Variants in MICAL3 observed in about 807,000 individuals in gnomAD.
MICAL3 encodes [F-actin]-monooxygenase MICAL3.
In MICAL3, 62 loss-of-function variants were observed where a neutral mutation model predicts 207.4. The observed-to-expected ratio is 0.30, with a 90% CI of 0.24 to 0.37. MICAL3 has a LOEUF of 0.37. MICAL3 is among the 10% of genes least tolerant of loss of function. MICAL3 has a pLI of 1.00. For synonymous variants in MICAL3, 1,077 were observed against 1,069.3 expected, an observed-to-expected ratio of 1.01 and a Z score of -0.14; for missense variants, 2,368 against 2,635.6, an observed-to-expected ratio of 0.90 and a Z score of 2.22.
intron 1 of MICAL3, among the ~76,000 whole-genome samples, chr22:17,972,699 A>G (rs1935473013): frequency 1.3e-5 from 2 of 152,210 alleles, no homozygotes; most frequent in African/African-American, 4.8e-5. Context: ...GAAAAAGGGC[A>G]AGGGCAGAGA....
chr22:17,889,615 C>T (rs1930229349), intron 12 of MICAL3, among the ~76,000 whole-genome samples: 1 of 152,008 alleles, frequency 6.6e-6, no homozygotes, highest in Admixed American at 6.6e-5. Context: ...TTGCTTGAGC[C>T]CAGGAGTTCA....
chr22:17,856,608 CTTTTTTTT>C (rs57588188), intron 19 of MICAL3, among the ~76,000 whole-genome samples: 3 of 94,882 alleles, frequency 3.2e-5, no homozygotes, highest in Non-Finnish European at 5.8e-5. Flanking sequence ...AAAATGTTTA[CTTTTTTTT>C]TTTTTTTTTT....
At chr22:17,875,646 T>C in intron 16 of MICAL3, 2 of 630,628 alleles carry the variant, frequency 3.2e-6, no homozygotes, top group Admixed American at 3.5e-5. Context: ...TTGTAGAGCC[T>C]TTTACTCTAG....
chr22:17,823,808 A>G (rs995209945), intron 22 of MICAL3, among the ~76,000 whole-genome samples: 2 of 152,224 alleles, frequency 1.3e-5, no homozygotes, highest in Admixed American at 1.3e-4. Context: ...CATTTCAGGT[A>G]AGAAACACTC....
chr22:17,961,148 G>A (rs1209350361), intron 1 of MICAL3, among the ~76,000 whole-genome samples: 1 of 152,142 alleles, frequency 6.6e-6, no homozygotes, highest in African/African-American at 2.4e-5. Flanking sequence ...GATGGCTGGC[G>A]GTGGCCTGGC....
chr22:17,864,438 A>C (rs1357157847), intron 19 of MICAL3: 9 of 1,412,178 alleles, frequency 6.4e-6, no homozygotes, highest in Non-Finnish European at 6.4e-6. Context: ...CACGGGGCTT[A>C]ATCAACACAG....
intron 1 of MICAL3, among the ~76,000 whole-genome samples, chr22:17,918,698 C>T (rs1172073546): frequency 6.6e-6 from 1 of 152,188 alleles, no homozygotes; most frequent in Non-Finnish European, 1.5e-5. Flanking sequence ...GCCAGCCTCT[C>T]CATCCCTGCT....
intron 29 of MICAL3, among the ~76,000 whole-genome samples, chr22:17,794,436 G>C (rs2061854907): frequency 6.6e-6 from 1 of 152,392 alleles, no homozygotes; most frequent in South Asian, 2.1e-4. Context: ...AGGGCAAGGA[G>C]GGGCCTCTGA....
chr22:17,928,993 C>T (rs1390692327), intron 1 of MICAL3, among the ~76,000 whole-genome samples: 2 of 151,666 alleles, frequency 1.3e-5, no homozygotes, highest in Non-Finnish European at 2.9e-5. Flanking sequence ...TGGGGTTTCA[C>T]TGTGTTAGCC....
intron 16 of MICAL3, among the ~76,000 whole-genome samples, chr22:17,879,010 C>A (rs1423371326): frequency 1.3e-5 from 2 of 152,216 alleles, no homozygotes; most frequent in African/African-American, 2.4e-5. Context: ...TGCTACTACT[C>A]TACCACTGGC....
Position 17,808,859 on chromosome 22 carries a change from G to A in MICAL3, c.5635C>T (p.Leu1879Phe). 1 of 1,552,846 alleles carries A rather than the reference G, an allele frequency of 6.4e-7. No homozygotes were observed. Among genetic ancestry groups the A allele is most frequent in the Non-Finnish European group, 8.7e-7 (1 of 1,147,952 alleles). Residue 1879 changes from leucine (L) to phenylalanine (F), a missense_variant, in exon 29 of 32, where the codon CTC (leucine) becomes TTC (phenylalanine). Physicochemically the swap from Leu to Phe is conservative, Grantham distance 22. Coordinates refer to ENST00000441493, the MANE Select transcript of MICAL3 (RefSeq NM_015241.3). The stretch of plus-strand genomic sequence containing the variant: ...CCGGCAGTACCTGCTTCGCCCCGGA[G>A]CGCCTTCTCCACAGCCACGCCCCTT... The part of the protein sequence containing the change: ...EERGVAVEKA[L>F]RGEAGMGKKD...
chr22:17,847,332 C>A (rs117402742), intron 19 of MICAL3, among the ~76,000 whole-genome samples: 3 of 152,178 alleles, frequency 2.0e-5, no homozygotes, highest in Non-Finnish European at 4.4e-5. Context: ...GAATGGAATC[C>A]GAGTCTGACA....
chr22:17,803,362 C>G (rs918803328), intron 29 of MICAL3, among the ~76,000 whole-genome samples: 3 of 152,134 alleles, frequency 2.0e-5, no homozygotes, highest in Non-Finnish European at 4.4e-5. Flanking sequence ...CTGGGAGAAA[C>G]GAGACCACGA....
At chr22:17,798,725 G>C (rs994163686) in intron 29 of MICAL3, among the ~76,000 whole-genome samples, 1 of 145,346 alleles carries the variant, frequency 6.9e-6, no homozygotes, top group Non-Finnish European at 1.5e-5. Context: ...CCAGGCTGGA[G>C]TGCAGTGGCG....
At chr22:17,980,831 C>T in intron 1 of MICAL3, 1 of 506,422 alleles carries the variant, frequency 2.0e-6, no homozygotes. Context: ...CCAGATGCGG[C>T]TGTGCTGGCC....
chr22:17,950,166 A>ATTTT (rs10657913), intron 1 of MICAL3, among the ~76,000 whole-genome samples: 5 of 144,014 alleles, frequency 3.5e-5, no homozygotes, highest in Middle Eastern at 3.5e-3. Flanking sequence ...ACAGCTGTCT[A>ATTTT]TTTTTTTTTT....
At chr22:17,853,620 T>C (rs1163255855) in intron 19 of MICAL3, among the ~76,000 whole-genome samples, 3 of 152,244 alleles carry the variant, frequency 2.0e-5, no homozygotes. Context: ...GCAGGTAGCA[T>C]TTTTCTTCAT....
At position 17,887,217 on chromosome 22, in the gene MICAL3, C is replaced by T. The variant is rs768161004; in HGVS notation, c.2020G>A (p.Asp674Asn). 3.1e-6 allele frequency: 5 copies of T among 1,613,698 alleles called. No homozygotes were observed. The highest frequency in any genetic ancestry group is 4.2e-6 in the Non-Finnish European group (5 of 1,179,772). ...CTCCTCTTCCCAGCACCATCCAAGTCCTTTTCCTTTTTATCCTGTACCAAG... is the reference window on the plus strand; with the variant it reads ...CTCCTCTTCCCAGCACCATCCAAGTTCTTTTCCTTTTTATCCTGTACCAAG... ...KRSPKDKKEKDLDGAGKRRKT... is the reference protein window; with the variant it reads ...KRSPKDKKEKNLDGAGKRRKT... The change falls in exon 15 of 32, where the codon GAC becomes AAC. Residue 674 changes from aspartate to asparagine, a missense_variant. Physicochemically the swap from Asp to Asn is conservative, Grantham distance 23. Coordinates refer to ENST00000441493, the MANE Select transcript of MICAL3 (RefSeq NM_015241.3).
chr22:17,842,443 A>C, intron 19 of MICAL3: 7 of 179,814 alleles, frequency 3.9e-5, no homozygotes, highest in Non-Finnish European at 7.2e-5. Context: ...GCCTCCCCCA[A>C]TGCCTGCCCC....
Sources: gnomAD v4.1 joint callset for allele counts (sites outside exome capture counted in the v4.1 genomes callset) on GRCh38, gnomAD v4.1.1 for gene constraint, MANE v1.5 for transcripts, NCBI Gene and HGNC (gene_info 2026-07-23, HGNC 2026-07-21) for gene names.